NEB: variants seen among roughly 807,000 people sequenced by gnomAD.
NEB encodes nebulin, also known as nemaline myopathy type 2.
In NEB, 512 loss-of-function variants were observed where a neutral mutation model predicts 952.2. The ratio of observed to expected loss-of-function variants is 0.54; its 90% confidence interval spans 0.50 to 0.58. NEB has a LOEUF of 0.58. Ranked by LOEUF, NEB falls within the 20% of genes least tolerant of loss-of-function variation. The pLI is 0.00. For missense variants in NEB, 8,428 were observed against 9,231.1 expected, an observed-to-expected ratio of 0.91 and a Z score of 3.56; for synonymous variants, 2,900 against 3,149.8, an observed-to-expected ratio of 0.92 and a Z score of 2.66.
intron 45 of NEB, among the ~76,000 whole-genome samples, chr2:151,662,840 T>C (rs909493548): frequency 1.3e-5 from 2 of 152,188 alleles, no homozygotes; most frequent in African/African-American, 4.8e-5. Context: ...GTAAATTTCA[T>C]TTTTTCCTCC....
At chr2:151,499,714 T>C (rs2062975117) in intron 168 of NEB, among the ~76,000 whole-genome samples, 1 of 152,216 alleles carries the variant, frequency 6.6e-6, no homozygotes, top group African/African-American at 2.4e-5. Context: ...TTGCTTAAGT[T>C]AGATTAGCAA....
In NEB at chr2:151,675,170, A is replaced by G. The variant is rs542810745; in HGVS notation, c.3879+117T>C. Reference sequence around the variant, plus strand: ...GAACCATCCTTATGGGATATGTTCCAGTAGGGGATTTGTGAGAAATGGGCC... The same window carrying G: ...GAACCATCCTTATGGGATATGTTCCGGTAGGGGATTTGTGAGAAATGGGCC... On this transcript the variant is annotated intron_variant, in intron 35 of 181. Transcript: ENST00000397345. The G allele has an allele frequency of 7.4e-4, 566 of 764,712 alleles. 10 individuals carry two copies. In the South Asian group the frequency reaches 8.2e-3, roughly 11 times the overall value. 47.4% of individuals were successfully genotyped at this position (764,712 alleles called of 1,614,324 possible).
In NEB at chr2:151,604,277, A is replaced by G. The variant is rs567934849; in HGVS notation, c.13059+283T>C. 5.3e-4 allele frequency among the ~76,000 whole-genome samples: 62 copies of G among 116,020 alleles called. 2 individuals carry two copies. In the East Asian group the frequency reaches 7.0e-3, roughly 13 times the overall value. The allele number at this position is 116,020 out of a possible 152,430, so 76.1% of individuals were successfully genotyped here. A position where few individuals can be genotyped will look rare whatever the true frequency, so the allele number is the denominator to read the frequency against. ...TTACATCTACTTATGAAATATGTATATGATTATGCAAAGGTAACGGCTCAG... is the reference window on the plus strand; with the variant it reads ...TTACATCTACTTATGAAATATGTATGTGATTATGCAAAGGTAACGGCTCAG... On this transcript the variant is annotated intron_variant, in intron 85 of 181. Coordinates refer to ENST00000397345, the MANE Select transcript of NEB (RefSeq NM_001164508.2).
chr2:151,631,232 G>A lies in NEB; in HGVS notation c.9529C>T (p.Arg3177Cys), dbSNP rs758363933. The A allele has an allele frequency of 5.6e-5, 90 of 1,613,718 alleles. 1 individual carries two copies. Among genetic ancestry groups the A allele is most frequent in the Non-Finnish European group, 1.7e-5 (20 of 1,179,862 alleles). ...AATTTCAGCTTGTCCGGAGGCTGGC[G>A]GTAGATGTTATCACTCAGTATTTCG... ...ATEILSDNIYRQPPDKLKFTS... is the reference protein window; with the variant it reads ...ATEILSDNIYCQPPDKLKFTS... The change falls in exon 66 of 182, where the codon CGC becomes TGC. Residue 3177 changes from arginine (R) to cysteine (C), a missense_variant. Coordinates refer to ENST00000397345, the MANE Select transcript of NEB (RefSeq NM_001164508.2).
intron 145 of NEB, among the ~76,000 whole-genome samples, chr2:151,529,679 C>T (rs1056581182): frequency 1.3e-5 from 2 of 152,092 alleles, no homozygotes; most frequent in Admixed American, 6.6e-5. Flanking sequence ...CACAGGCATG[C>T]GCCACCTCAC....
chr2:151,611,253 G>A (rs1395620448), intron 78 of NEB, among the ~76,000 whole-genome samples: 1 of 152,148 alleles, frequency 6.6e-6, no homozygotes, highest in Non-Finnish European at 1.5e-5. Flanking sequence ...TCCAAGCTGT[G>A]TGATCTTGAG....
At chr2:151,512,339 CT>C (rs943434444) in intron 161 of NEB, among the ~76,000 whole-genome samples, 10 of 148,570 alleles carry the variant, frequency 6.7e-5, no homozygotes, top group Admixed American at 6.7e-5. Context: ...GGGCTTCTCT[CT>C]TTTTTTTTTA....
At chr2:151,522,751 C>T (rs994933989) in intron 153 of NEB, among the ~76,000 whole-genome samples, 7 of 152,154 alleles carry the variant, frequency 4.6e-5, no homozygotes, top group Non-Finnish European at 8.8e-5. Context: ...CTGATGTGTA[C>T]ATTAATTTTC....
Position 151,691,912 on chromosome 2 carries a change from T to G in NEB, c.2163A>C (p.Thr721=). 1 of 1,607,330 alleles carries G rather than the reference T, an allele frequency of 6.2e-7. No homozygotes were observed. Among genetic ancestry groups the G allele is most frequent in the South Asian group, 1.1e-5 (1 of 90,232 alleles). The part of the protein sequence containing the change: ...EDKGKCYFPQ[T]ITQEYEAIKK... ...TGATTGCTTCATATTCTTGTGTTAT[T>G]GTCTGAGGGAAATAGCATTTTCCTT... is the stretch of plus-strand genomic sequence containing the variant. The change falls in exon 23 of 182, where the codon ACA becomes ACC. Residue 721 remains threonine, a synonymous_variant. Transcript: ENST00000397345.
In NEB at chr2:151,526,049, A is replaced by G; in HGVS notation, c.22070T>C (p.Val7357Ala). The G allele has an allele frequency of 6.2e-7, 1 of 1,613,890 alleles. No homozygotes were observed. Among genetic ancestry groups the G allele is most frequent in the Non-Finnish European group, 8.5e-7 (1 of 1,179,792 alleles). Residue 7357 changes from valine to alanine, a missense_variant, in exon 150 of 182, where the codon GTC becomes GCC. Around this residue, in one of 11 missense-constraint regions of NEB, gnomAD observed 3,374 missense variants for 3,651.5 expected, o/e 0.92. Transcript: ENST00000397345. ...LVSENKYKDHVKKHLAQGSYT... is the reference protein window; with the variant it reads ...LVSENKYKDHAKKHLAQGSYT... ...TGAGCCCTGTGCCAAGTGCTTCTTG[A>G]CATGGTCCTTGTACTTGTTCTGGGG...
chr2:151,655,669 C>A (rs2154147176), intron 50 of NEB, 148 bp downstream of exon 50: 2 of 737,624 alleles, frequency 2.7e-6, no homozygotes, highest in East Asian at 5.3e-5. Context: ...AAGAGATGGG[C>A]AGAAGAAGAT....
rs2096774945 is a variant in NEB at position 151,574,828 on chromosome 2, C to T, written c.17013+867G>A. ...CTCACTGCAGCCTCTTCCTCCTGGG[C>T]TCAAGTGATCCTCCCACCTGAGCCT... is the stretch of plus-strand genomic sequence containing the variant. On this transcript the variant is annotated intron_variant, in intron 107 of 181. Coordinates refer to ENST00000397345, the MANE Select transcript of NEB (RefSeq NM_001164508.2). 2.0e-5 allele frequency among the ~76,000 whole-genome samples: 3 copies of T among 152,030 alleles called. No individual in the cohort carries two copies. The South Asian group carries it at 6.2e-4, about 32-fold the overall frequency.
rs1388890179 is a variant in NEB at position 151,498,384 on chromosome 2, A to G, written c.24115-32T>C. On this transcript the variant is annotated intron_variant, in intron 169 of 181. Coordinates refer to ENST00000397345, the MANE Select transcript of NEB (RefSeq NM_001164508.2). The stretch of plus-strand genomic sequence containing the variant: ...GATGAGAAAGCATCCAGAACAAAAA[A>G]AGCAATCAATCAGTCATTTTCCCCC... The G allele has an allele frequency of 4.1e-6, 6 of 1,469,290 alleles. No individual in the cohort carries two copies. The East Asian group carries it at 1.2e-4, about 30-fold the overall frequency. 91.0% of individuals were successfully genotyped at this position (1,469,290 alleles called of 1,614,324 possible).
chr2:151,488,384 T>C (rs2052957727), intron 181 of NEB, among the ~76,000 whole-genome samples: 1 of 151,410 alleles, frequency 6.6e-6, no homozygotes, highest in Admixed American at 6.6e-5. Context: ...GAGTGGCTGA[T>C]GCCTGTAATC....
Position 151,684,858 on chromosome 2 carries a change from G to C in NEB, c.2755C>G (p.His919Asp), listed in dbSNP as rs373168257. ...GGGTAGCTGTAACTGTGTAAGATGT[G>C]CTTATAATCAACGTCGCTGGCAATT... is the stretch of plus-strand genomic sequence containing the variant. ...QAIASDVDYK[H>D]ILHSYSYPPD... The change falls in exon 28 of 182, where the codon CAC (histidine) becomes GAC (aspartate). Residue 919 changes from histidine (H) to aspartate (D), a missense_variant. His to Asp is a moderately conservative substitution (Grantham distance 81, BLOSUM62 -1). Coordinates refer to ENST00000397345, the MANE Select transcript of NEB (RefSeq NM_001164508.2). The C allele has an allele frequency of 4.6e-5, 75 of 1,613,258 alleles. No homozygotes were observed. The highest frequency in any genetic ancestry group is 6.0e-5 in the Non-Finnish European group (71 of 1,179,612).
rs757742305 is a variant in NEB at position 151,655,940 on chromosome 2, C to T, written c.6579G>A (p.Lys2193=). ...GATCACTGGCATATTCAGTTGCTTT[C>T]TTGGCCTTCTCCACTTCCAGAGAAC... ...PAGSLEVEKA[K]KATEYASDQK... is the part of the protein sequence containing the mutation. The change falls in exon 50 of 182, where the codon AAG becomes AAA. Residue 2193 remains lysine, a synonymous_variant. Coordinates refer to ENST00000397345, the MANE Select transcript of NEB (RefSeq NM_001164508.2). 2 of 1,613,836 alleles carry T rather than the reference C, an allele frequency of 1.2e-6. No homozygotes were observed. The highest frequency in any genetic ancestry group is 2.2e-5 in the South Asian group (2 of 91,090).
At chr2:151,565,648 G>A (rs373844031) in intron 115 of NEB, 43 bp from the exon 116 acceptor site, 4 of 1,564,624 alleles carry the variant, frequency 2.6e-6, no homozygotes, top group Non-Finnish European at 3.5e-6. Flanking sequence ...TACCACCACA[G>A]GTTATCTACC....
At chr2:151,718,985 C>T (rs1411936932) in intron 9 of NEB, among the ~76,000 whole-genome samples, 2 of 152,172 alleles carry the variant, frequency 1.3e-5, no homozygotes, top group Non-Finnish European at 2.9e-5. Flanking sequence ...CATCTGTCTG[C>T]AAACCGCTGT....
rs116320537 is a variant in NEB at position 151,638,569 on chromosome 2, T to C, written c.8994+711A>G. On this transcript the variant is annotated intron_variant, in intron 63 of 181. Coordinates refer to ENST00000397345, the MANE Select transcript of NEB (RefSeq NM_001164508.2). Reference sequence around the variant, plus strand: ...ACTCAATACATCAGAAGCTTTCTCATAAATTTTCCAGAACGAATGGACTGA... The same window carrying C: ...ACTCAATACATCAGAAGCTTTCTCACAAATTTTCCAGAACGAATGGACTGA... Among the ~76,000 whole-genome samples the C allele has an allele frequency of 3.3e-3, 501 of 152,326 alleles. 3 individuals are homozygous for C. Among genetic ancestry groups the C allele is most frequent in the Non-Finnish European group, 4.5e-3 (303 of 68,022 alleles).
Sources: allele counts gnomAD v4.1 joint callset (sites outside exome capture counted in the v4.1 genomes callset), GRCh38; gene constraint gnomAD v4.1.1; regional missense constraint gnomAD v4.1.1; transcripts MANE v1.5; gene names NCBI Gene and HGNC (gene_info 2026-07-23, HGNC 2026-07-21).